The following TULP4 variants were observed in gnomAD, a reference collection of about 807,000 sequenced individuals.
TULP4 encodes TUB like protein 4.
In TULP4, 16 loss-of-function variants were observed where a neutral mutation model predicts 129.0. The observed-to-expected ratio is 0.12, with a 90% CI of 0.08 to 0.19. The LOEUF is 0.19. Ranked by LOEUF, TULP4 falls within the 10% of genes least tolerant of loss-of-function variation. The pLI is 1.00. For missense variants in TULP4, 1,842 were observed against 2,059.1 expected (o/e 0.89, Z 2.04); for synonymous variants, 998 against 854.0 (o/e 1.17, Z -2.94).
chr6:158,445,492 G>GA (rs1779015450), intron 3 of TULP4, among the ~76,000 whole-genome samples: 1 of 152,332 alleles, frequency 6.6e-6, no homozygotes, highest in Admixed American at 6.5e-5. Context: ...GTCACTGAGT[G>GA]AATGAGAACC....
intron 3 of TULP4, among the ~76,000 whole-genome samples, chr6:158,442,820 T>G (rs906606578): frequency 9.2e-5 from 14 of 151,852 alleles, no homozygotes; most frequent in Non-Finnish European, 1.8e-4. Flanking sequence ...GGTTGGTTTT[T>G]TTTTTTTTTA....
chr6:158,383,769 T>C (rs1308999703), intron 1 of TULP4, among the ~76,000 whole-genome samples: 1 of 152,160 alleles, frequency 6.6e-6, no homozygotes, highest in African/African-American at 2.4e-5. Flanking sequence ...CTGGGCATAA[T>C]GGGAGGTAGT....
chr6:158,235,327 T>G (rs1272713736), intron 1 of TULP4, among the ~76,000 whole-genome samples: 2 of 152,198 alleles, frequency 1.3e-5, no homozygotes, highest in African/African-American at 4.8e-5. Flanking sequence ...ACTCTTTCTT[T>G]TCCCCTCCCT....
chr6:158,394,786 C>CAAAAAAAAAAAAAAAAA (rs71030166), intron 1 of TULP4, among the ~76,000 whole-genome samples: 3 of 46,016 alleles, frequency 6.5e-5, no homozygotes, highest in African/African-American at 2.1e-4. Context: ...GGCTCTGTCT[C>CAAAAAAAAAAAAAAAAA]AAAAAAAAAA....
intron 6 of TULP4, among the ~76,000 whole-genome samples, chr6:158,471,876 G>A (rs545185168): frequency 1.3e-5 from 2 of 152,304 alleles, no homozygotes; most frequent in Non-Finnish European, 2.9e-5. Flanking sequence ...CCTGTAGGCT[G>A]TGTCACATTT....
At chr6:158,306,992 G>A (rs962579348) in intron 1 of TULP4, among the ~76,000 whole-genome samples, 1 of 152,162 alleles carries the variant, frequency 6.6e-6, no homozygotes, top group African/African-American at 2.4e-5. Context: ...CTGTACTCCA[G>A]CCTGGGCGAC....
chr6:158,304,997 A>G (rs1303420696), intron 1 of TULP4, among the ~76,000 whole-genome samples: 1 of 152,088 alleles, frequency 6.6e-6, no homozygotes, highest in Non-Finnish European at 1.5e-5. Context: ...TGTACAGTTC[A>G]GTGATATTAA....
chr6:158,312,118 G>C (rs536227572), upstream of TULP4: 8 of 398,178 alleles, frequency 2.0e-5, no homozygotes, highest in South Asian at 6.4e-4. Flanking sequence ...TGGGGAAGCA[G>C]ACGCTTCGTA....
intron 6 of TULP4, among the ~76,000 whole-genome samples, chr6:158,469,000 C>T (rs1309251245): frequency 1.3e-5 from 2 of 152,224 alleles, no homozygotes; most frequent in African/African-American, 2.4e-5. Flanking sequence ...CGGAGGGACA[C>T]ACATTCAGAC....
Position 158,318,157 on chromosome 6 carries a change from A to G in TULP4, c.252+3889A>G, listed in dbSNP as rs111822185. The stretch of plus-strand genomic sequence containing the variant: ...TACTTTTAGTTAATTTCTGTTCCTC[A>G]TATTAGAATCTGTTCCATTTGGCTG... On this transcript the variant is annotated intron_variant, in intron 1 of 13. Transcript: ENST00000367097. 7.5e-3 allele frequency among the ~76,000 whole-genome samples: 1,139 copies of G among 152,076 alleles called. 15 individuals are homozygous for G. The highest frequency in any genetic ancestry group is 0.021 in the African/African-American group (881 of 41,464).
chr6:158,405,135 T>G (rs1777949020), intron 1 of TULP4, among the ~76,000 whole-genome samples: 2 of 152,232 alleles, frequency 1.3e-5, no homozygotes, highest in African/African-American at 2.4e-5. Context: ...TGACTTAAAC[T>G]TATTGTTGCT....
chr6:158,470,665 CAA>C (rs766236243), intron 6 of TULP4, among the ~76,000 whole-genome samples: 4 of 152,152 alleles, frequency 2.6e-5, no homozygotes, highest in Non-Finnish European at 4.4e-5. Context: ...ATATGTCAAA[CAA>C]GAGAACAACA....
rs889826978 is a variant in TULP4, at chr6:158,452,333, G to T, written c.859+65G>T. On this transcript the variant is annotated intron_variant, in intron 5 of 13. Coordinates refer to ENST00000367097, the MANE Select transcript of TULP4 (RefSeq NM_020245.5). ...CCTGTGTGTGCTTGCCTCAAGGCCG[G>T]TCTTGTACACTCTGTGCTTACTGAT... The T allele has an allele frequency of 6.3e-6, 10 of 1,586,402 alleles. No individual in the cohort carries two copies. In the Admixed American group the frequency reaches 6.9e-5, roughly 11 times the overall value.
At chr6:158,286,392 CTG>C (rs1467519465) in intron 1 of TULP4, among the ~76,000 whole-genome samples, 1 of 152,104 alleles carries the variant, frequency 6.6e-6, no homozygotes, top group Admixed American at 6.5e-5. Context: ...GCAATTATTT[CTG>C]TGTTTCTTCT....
chr6:158,309,701 C>T (rs1779302592), upstream of TULP4, among the ~76,000 whole-genome samples: 1 of 152,072 alleles, frequency 6.6e-6, no homozygotes, highest in Non-Finnish European at 1.5e-5. Flanking sequence ...CCAGCCTGGC[C>T]AACACAGCGA....
chr6:158,498,441 GC>G (rs1780377009), intron 11 of TULP4, among the ~76,000 whole-genome samples: 1 of 152,256 alleles, frequency 6.6e-6, no homozygotes, highest in Non-Finnish European at 1.5e-5. Flanking sequence ...AGGAGGCCAA[GC>G]TAGACCGGGA....
At chr6:158,382,135 A>G (rs1439911075) in intron 1 of TULP4, among the ~76,000 whole-genome samples, 3 of 152,186 alleles carry the variant, frequency 2.0e-5, no homozygotes, top group Non-Finnish European at 4.4e-5. Context: ...AGGAGTCATT[A>G]TGATCACTTG....
intron 9 of TULP4, 113 bp downstream of exon 9, chr6:158,489,845 T>G: frequency 7.8e-7 from 1 of 1,274,860 alleles, no homozygotes; most frequent in Non-Finnish European, 1.1e-6. Flanking sequence ...GCAACCTCCC[T>G]GCCTTTTCTT....
intron 1 of TULP4, among the ~76,000 whole-genome samples, chr6:158,241,571 G>A (rs969886542): frequency 7.2e-5 from 11 of 152,000 alleles, no homozygotes; most frequent in African/African-American, 2.7e-4. Context: ...GCGAAACCCC[G>A]TCTCCACCAA....
Sources: allele counts gnomAD v4.1 joint callset (sites outside exome capture counted in the v4.1 genomes callset), GRCh38; gene constraint gnomAD v4.1.1; transcripts MANE v1.5; gene names NCBI Gene and HGNC (gene_info 2026-07-23, HGNC 2026-07-21).